MELK: variants seen among roughly 807,000 people sequenced by gnomAD.
MELK encodes maternal embryonic leucine zipper kinase.
In MELK, 81 loss-of-function variants were observed where a neutral mutation model predicts 85.0. The observed-to-expected ratio is 0.95, with a 90% confidence interval of 0.80 to 1.15. MELK has a LOEUF of 1.15. Among genes scored for constraint, MELK ranks in the 50% most tolerant of loss-of-function variants. MELK has a pLI of 0.00. For missense variants in MELK, 754 were observed against 777.5 expected (o/e 0.97, Z 0.36); for synonymous variants, 252 against 265.0 (o/e 0.95, Z 0.48).
chr9:36,646,560 C>T (rs755208950), intron 11 of MELK, among the ~76,000 whole-genome samples: 39 of 152,180 alleles, frequency 2.6e-4, no homozygotes, highest in African/African-American at 8.0e-4. Flanking sequence ...TTTGAGATTC[C>T]CAACAGTGCT....
At chr9:36,645,498 C>T (rs1213493366) in intron 11 of MELK, among the ~76,000 whole-genome samples, 2 of 152,098 alleles carry the variant, frequency 1.3e-5, no homozygotes, top group Non-Finnish European at 2.9e-5. Flanking sequence ...GCATGACCAA[C>T]ATCAAGAATG....
intron 8 of MELK, among the ~76,000 whole-genome samples, chr9:36,618,254 C>A (rs183220798): frequency 1.2e-4 from 18 of 151,734 alleles, no homozygotes; most frequent in Admixed American, 7.9e-4. Context: ...ACTAAAAATA[C>A]AAGAATTTTC....
chr9:36,583,746 T>TA (rs1461767327), intron 3 of MELK, 34 bp downstream of exon 3: 21 of 1,451,398 alleles, frequency 1.4e-5, no homozygotes, highest in Non-Finnish European at 2.0e-5. Context: ...ATAGTCCACT[T>TA]ATAGATCAGT....
chr9:36,651,801 G>A lies in MELK; in HGVS notation c.977G>A (p.Arg326Gln), dbSNP rs146185715. The A allele has an allele frequency of 5.2e-5, 84 of 1,613,904 alleles. No homozygotes were observed. Among genetic ancestry groups the A allele is most frequent in the Admixed American group, 1.8e-4 (11 of 59,998 alleles). ...TYLLLLAKKA[R>Q]GKPVRLRLSS... ...CTTCTGCTTCTAGCCAAGAAGGCTCGGGGAAAACCAGTTCGTTTAAGGCTT... is the reference window on the plus strand; with the variant it reads ...CTTCTGCTTCTAGCCAAGAAGGCTCAGGGAAAACCAGTTCGTTTAAGGCTT... The change falls in exon 12 of 18, where the codon CGG becomes CAG. Residue 326 changes from arginine (R) to glutamine (Q), a missense_variant. Arg to Gln is a conservative substitution (Grantham distance 43). Coordinates refer to ENST00000298048, the MANE Select transcript of MELK (RefSeq NM_014791.4).
intron 14 of MELK, among the ~76,000 whole-genome samples, chr9:36,667,574 A>G (rs1278255153): frequency 6.6e-6 from 1 of 152,164 alleles, no homozygotes; most frequent in Non-Finnish European, 1.5e-5. Flanking sequence ...TTTATTTTAT[A>G]ATCTTGAAAT....
chr9:36,627,053 AACACACACAC>A (rs10608377), intron 8 of MELK, among the ~76,000 whole-genome samples: 3 of 140,872 alleles, frequency 2.1e-5, no homozygotes, highest in South Asian at 2.3e-4. Context: ...CACAAGCGCA[AACACACACAC>A]ACACACACAC....
chr9:36,666,906 T>A (rs74948250), intron 14 of MELK, among the ~76,000 whole-genome samples: 9,100 of 124,820 alleles, frequency 0.073, 344 homozygotes, highest in East Asian at 0.2. Context: ...TGTGTGTGTG[T>A]GATGGTGTGT....
At position 36,581,282 on chromosome 9, in the gene MELK, A is replaced by G. The variant is rs193277361; in HGVS notation, c.-38-362A>G. 4.0e-3 allele frequency among the ~76,000 whole-genome samples: 611 copies of G among 152,112 alleles called. 2 individuals are homozygous for G. The highest frequency in any genetic ancestry group is 6.4e-3 in the Non-Finnish European group (434 of 67,996). Reference sequence around the variant, plus strand: ...ACTCCTGGGCTCAAGCTGTCCTCCCAAGTGGCTGACAACACACGCACCACT... The same window carrying G: ...ACTCCTGGGCTCAAGCTGTCCTCCCGAGTGGCTGACAACACACGCACCACT... On this transcript the variant is annotated intron_variant, in intron 1 of 17. Coordinates refer to ENST00000298048, the MANE Select transcript of MELK (RefSeq NM_014791.4).
Position 36,607,637 on chromosome 9 carries a change from T to C in MELK, c.630T>C (p.Asp210=), listed in dbSNP as rs1825687722. The change falls in exon 8 of 18, where the codon GAT becomes GAC. Residue 210 remains aspartate (D), a synonymous_variant. Coordinates refer to ENST00000298048, the MANE Select transcript of MELK (RefSeq NM_014791.4). ...YVLMCGFLPF[D]DDNVMALYKK... is the part of the protein sequence containing the mutation. ...TTATGTGTGGATTTCTACCATTTGATGATGATAATGTAATGGCTTTATACA... is the reference window on the plus strand; with the variant it reads ...TTATGTGTGGATTTCTACCATTTGACGATGATAATGTAATGGCTTTATACA... 1.2e-6 allele frequency: 2 copies of C among 1,611,052 alleles called. No homozygotes were observed. Among genetic ancestry groups the C allele is most frequent in the East Asian group, 4.5e-5 (2 of 44,848 alleles).
At chr9:36,591,750 G>A (rs1823610280) in intron 4 of MELK, among the ~76,000 whole-genome samples, 1 of 151,860 alleles carries the variant, frequency 6.6e-6, no homozygotes, top group Non-Finnish European at 1.5e-5. Context: ...GAGCAACATA[G>A]TGAGACCTTG....
At chr9:36,602,382 T>C (rs1251565948) in intron 7 of MELK, among the ~76,000 whole-genome samples, 2 of 148,100 alleles carry the variant, frequency 1.4e-5, no homozygotes, top group Non-Finnish European at 3.0e-5. Flanking sequence ...TCCCAGCTAC[T>C]TGGGGGTTGA....
intron 4 of MELK, among the ~76,000 whole-genome samples, chr9:36,590,962 C>T (rs1823476830): frequency 1.3e-5 from 2 of 151,966 alleles, no homozygotes; most frequent in African/African-American, 2.4e-5. Flanking sequence ...GCGCGTGGTG[C>T]GCACCTGTCA....
intron 10 of MELK, among the ~76,000 whole-genome samples, chr9:36,640,175 C>A (rs1485935120): frequency 6.6e-6 from 1 of 152,100 alleles, no homozygotes; most frequent in Non-Finnish European, 1.5e-5. Context: ...GCTGCTGTGA[C>A]AAAATACCAT....
chr9:36,661,859 C>T (rs565851641), intron 13 of MELK, among the ~76,000 whole-genome samples: 4 of 151,442 alleles, frequency 2.6e-5, no homozygotes, highest in Non-Finnish European at 5.9e-5. Flanking sequence ...ATGGCATGAA[C>T]CCGGGAGGCG....
chr9:36,607,293 T>C (rs796748478), intron 7 of MELK, among the ~76,000 whole-genome samples: 10 of 152,312 alleles, frequency 6.6e-5, no homozygotes, highest in African/African-American at 2.4e-4. Flanking sequence ...CCCAGCCTAC[T>C]GGAAATTATT....
At chr9:36,657,463 A>G (rs1831367434) in intron 13 of MELK, 100 bp downstream of exon 13, 1 of 1,296,712 alleles carries the variant, frequency 7.7e-7, no homozygotes, top group Non-Finnish European at 1.0e-6. Flanking sequence ...AATTTAATGA[A>G]TGCTTAAGCC....
intron 13 of MELK, among the ~76,000 whole-genome samples, chr9:36,660,552 A>G (rs1233149249): frequency 6.6e-6 from 1 of 150,712 alleles, no homozygotes; most frequent in African/African-American, 2.4e-5. Context: ...AAACTCCTGG[A>G]CTCAAGAGAT....
Position 36,607,569 on chromosome 9 carries a change from T to C in MELK, c.568-6T>C, listed in dbSNP as rs745964507. On this transcript the variant is annotated splice_polypyrimidine_tract_variant and splice_region_variant and intron_variant, in intron 7 of 17. Transcript: ENST00000298048. Reference sequence around the variant, plus strand: ...AGTAATTTTTCTTTTTCCCTCTTTCTCTCAGGCAGATGTTTGGAGCATGGG... The same window carrying C: ...AGTAATTTTTCTTTTTCCCTCTTTCCCTCAGGCAGATGTTTGGAGCATGGG... 1.2e-6 allele frequency: 2 copies of C among 1,600,750 alleles called. No individual in the cohort carries two copies. Among genetic ancestry groups the C allele is most frequent in the Non-Finnish European group, 1.7e-6 (2 of 1,169,418 alleles).
intron 11 of MELK, among the ~76,000 whole-genome samples, chr9:36,643,662 C>T (rs985192012): frequency 7.9e-5 from 12 of 152,020 alleles, no homozygotes; most frequent in Non-Finnish European, 1.0e-4. Flanking sequence ...TGGCCGGGCA[C>T]GGTGGCTCAC....
Sources: gnomAD v4.1 joint callset for allele counts (sites outside exome capture counted in the v4.1 genomes callset) on GRCh38, gnomAD v4.1.1 for gene constraint, MANE v1.5 for transcripts, NCBI Gene and HGNC (gene_info 2026-07-23, HGNC 2026-07-21) for gene names.